CNOT2: variants seen among roughly 807,000 people sequenced by gnomAD.
CNOT2 encodes the protein CC chemokine receptor 4-negative regulator of transcription 2.
CNOT2 carries 7 observed loss-of-function variants against 72.1 expected under a neutral mutation model. That is an observed-to-expected ratio of 0.10 (90% CI 0.06 to 0.18). The LOEUF is 0.18. Among genes scored for constraint, CNOT2 ranks in the 10% least tolerant of loss-of-function variants. The pLI is 1.00. For missense variants in CNOT2, 345 were observed against 660.3 expected, an observed-to-expected ratio of 0.52 and a Z score of 5.23; for synonymous variants, 196 against 225.6, an observed-to-expected ratio of 0.87 and a Z score of 1.17.
intron 3 of CNOT2, among the ~76,000 whole-genome samples, chr12:70,311,592 C>G (rs1393841465): frequency 6.6e-6 from 1 of 151,686 alleles, no homozygotes; most frequent in East Asian, 1.9e-4. Flanking sequence ...TTCAATAATC[C>G]CATTTGGGAT....
intron 2 of CNOT2, among the ~76,000 whole-genome samples, chr12:70,298,291 G>A (rs749130850): frequency 6.6e-6 from 1 of 151,990 alleles, no homozygotes; most frequent in Non-Finnish European, 1.5e-5. Context: ...TCCTCCAATC[G>A]GCTTTTTATT....
In CNOT2 at chr12:70,294,566, A is replaced by G. The variant is rs1375916413; in HGVS notation, c.48+16292A>G. On this transcript the variant is annotated intron_variant, in intron 2 of 15. Coordinates refer to ENST00000229195, the MANE Select transcript of CNOT2 (RefSeq NM_014515.7). Reference sequence around the variant, plus strand: ...GTTCTTACATTTTTTTAAACTTTATATTCTCCACAGTGTATATAGCAGGTC... The same window carrying G: ...GTTCTTACATTTTTTTAAACTTTATGTTCTCCACAGTGTATATAGCAGGTC... Among the ~76,000 whole-genome samples the G allele has an allele frequency of 3.3e-5, 5 of 152,136 alleles. No individual in the cohort carries two copies. In the East Asian group the frequency reaches 9.6e-4, roughly 29 times the overall value.
chr12:70,297,700 A>C (rs926433108), intron 2 of CNOT2: 2 of 308,370 alleles, frequency 6.5e-6, no homozygotes, highest in Non-Finnish European at 1.2e-5. Context: ...TTTAGTAGTT[A>C]TTTCTACTTA....
At chr12:70,251,253 G>A (rs1200847589) in intron 1 of CNOT2, among the ~76,000 whole-genome samples, 1 of 152,138 alleles carries the variant, frequency 6.6e-6, no homozygotes, top group Non-Finnish European at 1.5e-5. Context: ...ACATCCTAGA[G>A]TAGAGTAACT....
chr12:70,249,249 C>CT (rs1350082074), intron 1 of CNOT2, among the ~76,000 whole-genome samples: 3 of 151,876 alleles, frequency 2.0e-5, no homozygotes, highest in African/African-American at 7.2e-5. Flanking sequence ...TTGTAAGAAT[C>CT]TTTCATAGGT....
intron 2 of CNOT2, among the ~76,000 whole-genome samples, chr12:70,305,873 GTTTTTTTTTT>G (rs11412509): frequency 3.3e-5 from 2 of 60,074 alleles, no homozygotes; most frequent in South Asian, 7.2e-4. Context: ...TCTGAAGTTT[GTTTTTTTTTT>G]TTTTTTTTTT....
At chr12:70,292,754 C>T (rs560833046) in intron 2 of CNOT2, among the ~76,000 whole-genome samples, 1 of 152,186 alleles carries the variant, frequency 6.6e-6, no homozygotes, top group Admixed American at 6.5e-5. Context: ...TTATTCTGAG[C>T]CTGAAGGGGA....
chr12:70,274,326 G>C (rs1868395579), intron 1 of CNOT2, among the ~76,000 whole-genome samples: 1 of 151,950 alleles, frequency 6.6e-6, no homozygotes, highest in Non-Finnish European at 1.5e-5. Flanking sequence ...TAAAGATAAT[G>C]GCTAAATGCA....
intron 4 of CNOT2, among the ~76,000 whole-genome samples, chr12:70,328,729 A>C (rs1387927382): frequency 6.6e-6 from 1 of 151,572 alleles, no homozygotes; most frequent in African/African-American, 2.4e-5. Context: ...AAAAAAAAAA[A>C]AACCTATTAG....
intron 2 of CNOT2, among the ~76,000 whole-genome samples, chr12:70,296,827 C>T (rs1872890437): frequency 6.8e-6 from 1 of 148,062 alleles, no homozygotes. Context: ...AGTTGCGAAG[C>T]AGGATAAGCA....
intron 2 of CNOT2, among the ~76,000 whole-genome samples, chr12:70,291,063 C>CATA (rs1871814460): frequency 6.6e-6 from 1 of 152,146 alleles, no homozygotes; most frequent in South Asian, 2.1e-4. Flanking sequence ...GTAGAATTGT[C>CATA]ATAGTCCTGA....
intron 1 of CNOT2, among the ~76,000 whole-genome samples, chr12:70,271,443 A>C (rs10879119): frequency 7.0e-6 from 1 of 141,958 alleles, no homozygotes; most frequent in Non-Finnish European, 1.5e-5. Flanking sequence ...GCACAATCTC[A>C]GCTCACTGCA....
intron 2 of CNOT2, chr12:70,297,925 TG>T (rs2135897171): frequency 5.3e-6 from 1 of 187,820 alleles, no homozygotes; most frequent in East Asian, 1.9e-4. Context: ...TTAGTAGAGA[TG>T]GGGTTTCGCC....
At chr12:70,262,562 ACGGCGCC>A (rs2135742576) in intron 1 of CNOT2, among the ~76,000 whole-genome samples, 1 of 152,376 alleles carries the variant, frequency 6.6e-6, no homozygotes, top group South Asian at 2.1e-4. Flanking sequence ...GGCGTGAGCC[ACGGCGCC>A]CGGCCTAATT....
At chr12:70,276,858 A>G (rs1014184686) in intron 1 of CNOT2, among the ~76,000 whole-genome samples, 2 of 151,898 alleles carry the variant, frequency 1.3e-5, no homozygotes, top group African/African-American at 4.8e-5. Context: ...TAAAAATACA[A>G]CTCCCACTAC....
At chr12:70,250,963 A>G (rs1428530380) in intron 1 of CNOT2, among the ~76,000 whole-genome samples, 1 of 152,082 alleles carries the variant, frequency 6.6e-6, no homozygotes, top group Non-Finnish European at 1.5e-5. Flanking sequence ...ATTTTTTATT[A>G]AGGTGCCTTG....
At chr12:70,340,977 C>T (rs1321475535) in intron 11 of CNOT2, among the ~76,000 whole-genome samples, 1 of 149,124 alleles carries the variant, frequency 6.7e-6, no homozygotes, top group Non-Finnish European at 1.5e-5. Flanking sequence ...GTCATTACAA[C>T]CTCCACCTCC....
intron 4 of CNOT2, chr12:70,323,571 G>A (rs1878625272): frequency 6.6e-6 from 1 of 151,732 alleles, no homozygotes; most frequent in African/African-American, 2.4e-5. Flanking sequence ...TTATATTTGA[G>A]ATTAGCATTG....
At chr12:70,349,853 A>G (rs748659278) in intron 15 of CNOT2, among the ~76,000 whole-genome samples, 1 of 152,032 alleles carries the variant, frequency 6.6e-6, no homozygotes, top group African/African-American at 2.4e-5. Flanking sequence ...AGAGAGAGAG[A>G]GAAACATAGC....
Sources: gnomAD v4.1 joint callset for allele counts (sites outside exome capture counted in the v4.1 genomes callset) on GRCh38, gnomAD v4.1.1 for gene constraint, MANE v1.5 for transcripts, NCBI Gene and HGNC (gene_info 2026-07-23, HGNC 2026-07-21) for gene names.